The following EBF2 variants were observed in gnomAD, a reference collection of about 807,000 sequenced individuals.
EBF2 encodes the protein transcription factor COE2.
In EBF2, 21 loss-of-function variants were observed where a neutral mutation model predicts 72.8. The observed-to-expected ratio is 0.29, with a 90% CI of 0.20 to 0.42. The LOEUF (loss-of-function observed/expected upper bound fraction) is 0.42. Ranked by LOEUF, EBF2 falls within the 10% of genes least tolerant of loss-of-function variation. The pLI, the probability that EBF2 is intolerant of heterozygous loss-of-function variation, is 1.00. For synonymous variants in EBF2, 299 were observed against 274.2 expected (o/e 1.09, Z -0.89); for missense variants, 637 against 731.2 (o/e 0.87, Z 1.49).
chr8:25,850,646 G>A lies in EBF2; in HGVS notation c.1644C>T (p.Pro548=). ...AGCAGGCAGGTGAAGGGGAGCCTTG[G>A]GGCCTGATGACAGGGGCAAAGGCAC... ...QKSAFAPVIR[P]QGSPSPACSS... Residue 548 remains proline, a synonymous_variant, in exon 15 of 16, where the codon CCC becomes CCT. Coordinates refer to ENST00000520164, the MANE Select transcript of EBF2 (RefSeq NM_022659.4). 2 of 1,567,388 alleles carry A rather than the reference G, an allele frequency of 1.3e-6. No homozygotes were observed. The highest frequency in any genetic ancestry group is 1.2e-5 in the South Asian group (1 of 83,686).
chr8:25,903,193 T>TG (rs1442064421), intron 7 of EBF2, among the ~76,000 whole-genome samples: 1 of 151,458 alleles, frequency 6.6e-6, no homozygotes, highest in African/African-American at 2.4e-5. Flanking sequence ...CTGGGTTTTT[T>TG]TTTTTTTTTT....
intron 7 of EBF2, among the ~76,000 whole-genome samples, chr8:25,903,627 G>C (rs564231856): frequency 2.8e-4 from 43 of 152,322 alleles, no homozygotes; most frequent in Non-Finnish European, 4.6e-4. Context: ...AATCCGGGAG[G>C]CGGAGTTTGC....
intron 15 of EBF2, among the ~76,000 whole-genome samples, chr8:25,846,542 C>T (rs1250822310): frequency 6.6e-6 from 1 of 152,054 alleles, no homozygotes; most frequent in African/African-American, 2.4e-5. Flanking sequence ...ACAAAACAGC[C>T]CAGCATGGTG....
At chr8:26,005,541 T>TATAAAATATATTATATA (rs1403511221) in intron 6 of EBF2, among the ~76,000 whole-genome samples, 402 of 36,200 alleles carry the variant, frequency 0.011, 2 homozygotes, top group African/African-American at 0.018. Context: ...TTATATATAT[T>TATAAAATATATTATATA]TTATATATAT....
At chr8:25,891,636 G>A (rs1158934132) in intron 7 of EBF2, among the ~76,000 whole-genome samples, 1 of 150,388 alleles carries the variant, frequency 6.6e-6, no homozygotes, top group Non-Finnish European at 1.5e-5. Flanking sequence ...AGAGTGCAGT[G>A]GCACCATCTT....
chr8:25,875,876 A>T (rs1477339670), intron 10 of EBF2, among the ~76,000 whole-genome samples: 3 of 152,242 alleles, frequency 2.0e-5, no homozygotes, highest in Non-Finnish European at 4.4e-5. Context: ...ATCTAGAACC[A>T]GAACTGCCAT....
intron 6 of EBF2, among the ~76,000 whole-genome samples, chr8:25,983,656 C>T (rs1804399818): frequency 6.6e-6 from 1 of 152,176 alleles, no homozygotes; most frequent in Non-Finnish European, 1.5e-5. Flanking sequence ...GCATTCACCC[C>T]AGCCGGCCCC....
chr8:25,859,514 C>T (rs1802170239), intron 13 of EBF2, among the ~76,000 whole-genome samples: 2 of 152,138 alleles, frequency 1.3e-5, no homozygotes, highest in South Asian at 4.2e-4. Context: ...ATGGGGGACC[C>T]AGTCTATGCC....
At chr8:25,950,909 T>A (rs1180033274) in intron 6 of EBF2, among the ~76,000 whole-genome samples, 1 of 152,132 alleles carries the variant, frequency 6.6e-6, no homozygotes, top group Non-Finnish European at 1.5e-5. Context: ...ATAAGTACAA[T>A]TCAAAATGAA....
chr8:25,920,949 G>A (rs895733248), intron 6 of EBF2, among the ~76,000 whole-genome samples: 3 of 152,150 alleles, frequency 2.0e-5, no homozygotes, highest in East Asian at 1.9e-4. Flanking sequence ...TGGGAAGAAG[G>A]GATGACTGAA....
At chr8:25,876,070 C>T (rs900803466) in intron 10 of EBF2, among the ~76,000 whole-genome samples, 11 of 152,280 alleles carry the variant, frequency 7.2e-5, no homozygotes, top group African/African-American at 2.4e-4. Context: ...CTGTGGAATA[C>T]TATGCAGCCA....
At chr8:25,882,934 A>G (rs562978774) in intron 10 of EBF2, among the ~76,000 whole-genome samples, 24 of 152,374 alleles carry the variant, frequency 1.6e-4, no homozygotes, top group Admixed American at 1.0e-3. Flanking sequence ...CAGCACATGA[A>G]GAAAACAGAG....
chr8:26,040,882 T>G lies in EBF2; in HGVS notation c.352+57A>C, dbSNP rs112476997. 7 of 1,609,050 alleles carry G rather than the reference T, an allele frequency of 4.4e-6. No homozygotes were observed. In the South Asian group the frequency reaches 7.7e-5, roughly 18 times the overall value. On this transcript the variant is annotated intron_variant, in intron 3 of 15. Coordinates refer to ENST00000520164, the MANE Select transcript of EBF2 (RefSeq NM_022659.4). ...GAGTGATCATGGCAAGGTCAGCGCG[T>G]GCGGCCCGGAAGCCGGCTGCTAGGC... is the stretch of plus-strand genomic sequence containing the variant.
At chr8:25,903,387 CAG>C (rs1169606491) in intron 7 of EBF2, among the ~76,000 whole-genome samples, 1 of 151,986 alleles carries the variant, frequency 6.6e-6, no homozygotes. Context: ...ACGGGTTAGA[CAG>C]GGGAGGAATA....
Position 25,887,938 on chromosome 8 carries a change from T to C in EBF2, c.786A>G (p.Glu262=), listed in dbSNP as rs1802719024. 2.5e-6 allele frequency: 4 copies of C among 1,613,590 alleles called. No homozygotes were observed. The East Asian group carries it at 6.7e-5, about 27-fold the overall frequency. ...CCATGGCTCCTCCTGTGGTCCAGCC[T>C]TCACTCGGGCTAATGGCTTTGATGC... ...TPCIKAISPS[E]GWTTGGAMVI... Residue 262 remains glutamate, a synonymous_variant, in exon 9 of 16, where the codon GAA becomes GAG. Transcript: ENST00000520164.
At chr8:25,878,928 A>G (rs955569246) in intron 10 of EBF2, among the ~76,000 whole-genome samples, 21 of 152,184 alleles carry the variant, frequency 1.4e-4, no homozygotes, top group Non-Finnish European at 7.3e-5. Context: ...TGAAAAATCA[A>G]GTTTACTAAT....
chr8:26,043,763 G>A (rs1805650572), intron 1 of EBF2, among the ~76,000 whole-genome samples: 1 of 152,204 alleles, frequency 6.6e-6, no homozygotes, highest in Non-Finnish European at 1.5e-5. Flanking sequence ...AGCAGGGGAA[G>A]CGAGGGTAGT....
Position 25,844,464 on chromosome 8 carries a change from T to C in EBF2, c.*145A>G. The C allele has an allele frequency of 1.2e-6, 1 of 845,384 alleles. No individual in the cohort carries two copies. Among genetic ancestry groups the C allele is most frequent in the South Asian group, 1.6e-5 (1 of 62,514 alleles). The allele number at this position is 845,384 out of a possible 1,614,324, so 52.4% of individuals were successfully genotyped here. A position where few individuals can be genotyped will look rare whatever the true frequency, so the allele number is the denominator to read the frequency against. Reference sequence around the variant, plus strand: ...AGCTATAGGAGGACGTGGGACCAAGTAAGATGCTGGCTCCTTGCAGACCCA... The same window carrying C: ...AGCTATAGGAGGACGTGGGACCAAGCAAGATGCTGGCTCCTTGCAGACCCA... On this transcript the variant is annotated 3_prime_UTR_variant, in exon 16 of 16. Coordinates refer to ENST00000520164, the MANE Select transcript of EBF2 (RefSeq NM_022659.4).
chr8:25,848,155 C>T lies in EBF2; in HGVS notation c.1696+2439G>A, dbSNP rs143179653. The stretch of plus-strand genomic sequence containing the variant: ...CTGGGACTATAGGTGTGTGCCACCA[C>T]GCCTGGCCCCTTCTTCTTTTAAAGG... On this transcript the variant is annotated intron_variant, in intron 15 of 15. Coordinates refer to ENST00000520164, the MANE Select transcript of EBF2 (RefSeq NM_022659.4). Among the ~76,000 whole-genome samples the T allele has an allele frequency of 7.2e-3, 1,091 of 152,270 alleles. 3 individuals are homozygous for T. Among genetic ancestry groups the T allele is most frequent in the Non-Finnish European group, 0.01 (708 of 68,008 alleles).
Sources: gnomAD v4.1 joint callset for allele counts (sites outside exome capture counted in the v4.1 genomes callset) on GRCh38, gnomAD v4.1.1 for gene constraint, MANE v1.5 for transcripts, NCBI Gene and HGNC (gene_info 2026-07-23, HGNC 2026-07-21) for gene names.